Variants in KCNJ3 observed in about 807,000 individuals in gnomAD.
KCNJ3 encodes potassium inwardly rectifying channel subfamily J member 3.
KCNJ3 carries 4 observed loss-of-function variants against 39.2 expected under a neutral mutation model. The ratio of observed to expected loss-of-function variants is 0.10; its 90% CI spans 0.05 to 0.23. KCNJ3 has a LOEUF of 0.23. Ranked by LOEUF, KCNJ3 falls within the 10% of genes least tolerant of loss-of-function variation. The pLI, the probability that KCNJ3 is intolerant of heterozygous loss-of-function variation, is 1.00. For synonymous variants in KCNJ3, 230 were observed against 237.4 expected, an observed-to-expected ratio of 0.97 and a Z score of 0.29; for missense variants, 276 against 634.9, an observed-to-expected ratio of 0.43 and a Z score of 6.08.
At chr2:154,770,389 A>C (rs1686218031) in intron 2 of KCNJ3, among the ~76,000 whole-genome samples, 1 of 151,910 alleles carries the variant, frequency 6.6e-6, no homozygotes, top group African/African-American at 2.4e-5. Context: ...GCTCTTGGAA[A>C]CTGGGAGGAG....
At chr2:154,740,523 C>T (rs1305464866) in intron 2 of KCNJ3, among the ~76,000 whole-genome samples, 2 of 151,924 alleles carry the variant, frequency 1.3e-5, no homozygotes, top group African/African-American at 4.8e-5. Flanking sequence ...TCTGATGTCA[C>T]GCCCTAGATG....
intron 2 of KCNJ3, among the ~76,000 whole-genome samples, chr2:154,721,600 CT>C (rs35296271): frequency 1.3e-4 from 20 of 150,530 alleles, no homozygotes; most frequent in African/African-American, 3.2e-4. Context: ...ATATTTCTTA[CT>C]TTTTTTTTAA....
chr2:154,799,475 G>C (rs1223067263), intron 2 of KCNJ3, among the ~76,000 whole-genome samples: 1 of 152,168 alleles, frequency 6.6e-6, no homozygotes, highest in Admixed American at 6.6e-5. Flanking sequence ...GGAAGGAGGA[G>C]GGGTGGTGGG....
At chr2:154,769,018 A>G (rs1354698050) in intron 2 of KCNJ3, among the ~76,000 whole-genome samples, 4 of 152,070 alleles carry the variant, frequency 2.6e-5, no homozygotes, top group African/African-American at 4.8e-5. Context: ...AATGCTTGTG[A>G]TTTTTGCACA....
chr2:154,829,126 T>C (rs1365564663), intron 2 of KCNJ3, among the ~76,000 whole-genome samples: 1 of 152,178 alleles, frequency 6.6e-6, no homozygotes, highest in Non-Finnish European at 1.5e-5. Flanking sequence ...ATTATTTATT[T>C]ATGTATAACT....
chr2:154,766,105 G>T (rs960506676), intron 2 of KCNJ3, among the ~76,000 whole-genome samples: 3 of 152,124 alleles, frequency 2.0e-5, no homozygotes, highest in African/African-American at 7.2e-5. Context: ...ATAATTAGTA[G>T]GTTGCTTGAA....
intron 2 of KCNJ3, among the ~76,000 whole-genome samples, chr2:154,743,964 C>T (rs1030214803): frequency 3.3e-5 from 5 of 151,400 alleles, no homozygotes; most frequent in African/African-American, 7.3e-5. Flanking sequence ...TATAATATTA[C>T]ATATGGTTTC....
intron 2 of KCNJ3, among the ~76,000 whole-genome samples, chr2:154,785,647 G>A (rs972507884): frequency 2.0e-5 from 3 of 152,120 alleles, no homozygotes; most frequent in Admixed American, 2.0e-4. Flanking sequence ...CCAGTACAGT[G>A]CTCTTGCACT....
At chr2:154,837,809 A>T (rs185722505) in intron 2 of KCNJ3, among the ~76,000 whole-genome samples, 85 of 152,132 alleles carry the variant, frequency 5.6e-4, no homozygotes, top group Non-Finnish European at 1.0e-3. Context: ...CTCTTTTTCC[A>T]TCCACCCCAG....
intron 2 of KCNJ3, among the ~76,000 whole-genome samples, chr2:154,779,280 A>G (rs1451564047): frequency 6.6e-6 from 1 of 151,670 alleles, no homozygotes; most frequent in Non-Finnish European, 1.5e-5. Flanking sequence ...GTGCAAACAA[A>G]TTATTGGTAA....
chr2:154,809,196 T>A (rs1686966531), intron 2 of KCNJ3, among the ~76,000 whole-genome samples: 1 of 152,116 alleles, frequency 6.6e-6, no homozygotes, highest in Non-Finnish European at 1.5e-5. Flanking sequence ...AGCACCTTAC[T>A]GCATAGCAGA....
chr2:154,853,709 G>A (rs1271134826), intron 2 of KCNJ3, among the ~76,000 whole-genome samples: 1 of 152,012 alleles, frequency 6.6e-6, no homozygotes, highest in Non-Finnish European at 1.5e-5. Context: ...ATTTATTCCT[G>A]TACTTCCAGT....
chr2:154,719,319 A>G (rs1685229861), intron 2 of KCNJ3, among the ~76,000 whole-genome samples: 2 of 152,174 alleles, frequency 1.3e-5, no homozygotes, highest in Middle Eastern at 6.3e-3. Context: ...AGCCATTGGC[A>G]TGTGGTAAAA....
chr2:154,708,814 G>T (rs1483076789), intron 1 of KCNJ3, among the ~76,000 whole-genome samples: 1 of 152,070 alleles, frequency 6.6e-6, no homozygotes, highest in Non-Finnish European at 1.5e-5. Flanking sequence ...GAAACTGAAT[G>T]CCACTACCTT....
At chr2:154,806,811 T>C (rs1686919029) in intron 2 of KCNJ3, among the ~76,000 whole-genome samples, 1 of 152,126 alleles carries the variant, frequency 6.6e-6, no homozygotes, top group Non-Finnish European at 1.5e-5. Context: ...TCCTATAAAT[T>C]TTAAAATATA....
intron 2 of KCNJ3, among the ~76,000 whole-genome samples, chr2:154,712,669 G>T (rs1685117443): frequency 6.6e-6 from 1 of 152,148 alleles, no homozygotes; most frequent in African/African-American, 2.4e-5. Flanking sequence ...AGATAAATAA[G>T]GGAGATATCA....
chr2:154,730,397 TA>T (rs1377053456), intron 2 of KCNJ3, among the ~76,000 whole-genome samples: 2 of 152,128 alleles, frequency 1.3e-5, no homozygotes, highest in African/African-American at 4.8e-5. Context: ...TTTTAAAAGT[TA>T]TGTTAATAAA....
intron 2 of KCNJ3, among the ~76,000 whole-genome samples, chr2:154,748,593 A>G (rs1383451332): frequency 6.6e-6 from 1 of 152,064 alleles, no homozygotes; most frequent in African/African-American, 2.4e-5. Context: ...ATTGTAAGAT[A>G]TCTAGTTTAA....
At chr2:154,732,343 A>G (rs182003218) in intron 2 of KCNJ3, among the ~76,000 whole-genome samples, 6 of 151,990 alleles carry the variant, frequency 3.9e-5, no homozygotes, top group Admixed American at 3.3e-4. Flanking sequence ...TTTATTTTTC[A>G]CTTGTTATTT....
Sources: gnomAD v4.1 joint callset for allele counts (sites outside exome capture counted in the v4.1 genomes callset) on GRCh38, gnomAD v4.1.1 for gene constraint, MANE v1.5 for transcripts, NCBI Gene and HGNC (gene_info 2026-07-23, HGNC 2026-07-21) for gene names.